Variants in CISD2 observed in about 807,000 individuals in gnomAD.
CISD2 encodes the protein CDGSH iron sulfur domain 2, also known as CDGSH iron-sulfur domain-containing protein 2.
CISD2 carries 1 observed loss-of-function variant against 12.9 expected under a neutral mutation model. That is an observed-to-expected ratio of 0.08 (90% CI 0.03 to 0.37). The LOEUF (loss-of-function observed/expected upper bound fraction) is 0.37, where lower values mean the gene tolerates loss of function less well. Among genes scored for constraint, CISD2 ranks in the 10% least tolerant of loss-of-function variants. CISD2 has a pLI of 0.99. For synonymous variants in CISD2, 50 were observed against 60.6 expected (o/e 0.83, Z 0.81); for missense variants, 97 against 163.1 (o/e 0.59, Z 2.21).
chr4:102,883,832 A>C (rs1050756926), intron 1 of CISD2, among the ~76,000 whole-genome samples: 3 of 152,232 alleles, frequency 2.0e-5, no homozygotes, highest in African/African-American at 7.2e-5. Context: ...TATTTGGCAA[A>C]ATATTTTTTT....
chr4:102,880,341 T>C (rs1020446298), intron 1 of CISD2, among the ~76,000 whole-genome samples: 9 of 152,188 alleles, frequency 5.9e-5, no homozygotes, highest in African/African-American at 2.2e-4. Flanking sequence ...GGGGAAATAA[T>C]ATAATAATCT....
At chr4:102,870,771 A>AT (rs1259905000) in intron 1 of CISD2, among the ~76,000 whole-genome samples, 2 of 152,228 alleles carry the variant, frequency 1.3e-5, no homozygotes, top group African/African-American at 2.4e-5. Context: ...AGTACTTTAC[A>AT]TATTTTAATA....
In CISD2 at chr4:102,888,202, A is replaced by AAAT. The variant is rs1392972614; in HGVS notation, c.*774_*776dup. ...AAACATAAGACATTAATTCATATTAAAATAGTTCAGTGTTCAAAATTGTGT... is the reference window on the plus strand; with the variant it reads ...AAACATAAGACATTAATTCATATTAAAATAATAGTTCAGTGTTCAAAATTGTGT... On this transcript the variant is annotated 3_prime_UTR_variant, in exon 3 of 3. Coordinates refer to ENST00000273986, the MANE Select transcript of CISD2 (RefSeq NM_001008388.5). 1.3e-5 allele frequency: 2 copies of AAAT among 152,216 alleles called. No homozygotes were observed. Among genetic ancestry groups the AAAT allele is most frequent in the Non-Finnish European group, 2.9e-5 (2 of 68,048 alleles). The allele number at this position is 152,216 out of a possible 1,614,324, so 9.4% of individuals were successfully genotyped here. A position where few individuals can be genotyped will look rare whatever the true frequency, so the allele number is the denominator to read the frequency against.
At chr4:102,885,002 G>A in intron 1 of CISD2, 1 of 523,366 alleles carries the variant, frequency 1.9e-6, no homozygotes, top group Non-Finnish European at 3.4e-6. Context: ...TGAAAAGTTA[G>A]GTTTCTAGTT....
chr4:102,870,852 A>AC (rs1733426550), intron 1 of CISD2, among the ~76,000 whole-genome samples: 1 of 152,220 alleles, frequency 6.6e-6, no homozygotes, highest in Admixed American at 6.5e-5. Flanking sequence ...CTAACCATTC[A>AC]TTCCCTTACA....
At position 102,885,351 on chromosome 4, in the gene CISD2, C is replaced by T. The variant is rs868634687; in HGVS notation, c.239C>T (p.Pro80Leu). The change falls in exon 2 of 3, where the codon CCG becomes CTG. Residue 80 changes from proline (P) to leucine (L), a missense_variant. Around this residue, in one of 2 missense-constraint regions of CISD2, gnomAD observed 89 missense variants for 114.4 expected, o/e 0.78. Transcript: ENST00000273986. ...LINLKIQKENPKVVNEINIED... is the reference protein window; with the variant it reads ...LINLKIQKENLKVVNEINIED... Reference sequence around the variant, plus strand: ...AATCTTAAAATACAAAAGGAAAATCCGAAAGTAGTGAATGAAATAAACATT... The same window carrying T: ...AATCTTAAAATACAAAAGGAAAATCTGAAAGTAGTGAATGAAATAAACATT... 40 of 1,613,688 alleles carry T rather than the reference C, an allele frequency of 2.5e-5. No homozygotes were observed. Among genetic ancestry groups the T allele is most frequent in the Non-Finnish European group, 3.2e-5 (38 of 1,179,862 alleles).
rs1733333460 is a variant in CISD2, at chr4:102,869,018, G to A, written c.-67G>A. The A allele has an allele frequency of 2.0e-6, 3 of 1,483,120 alleles. No individual in the cohort carries two copies. The highest frequency in any genetic ancestry group is 2.2e-5 in the Admixed American group (1 of 45,090). 91.9% of individuals were successfully genotyped at this position (1,483,120 alleles called of 1,614,324 possible). ...GTGCCCGCCGGCCGCTTCCGCTCCCGGCGCAGGCGCGGCAGCTTGGCCAGA... is the reference window on the plus strand; with the variant it reads ...GTGCCCGCCGGCCGCTTCCGCTCCCAGCGCAGGCGCGGCAGCTTGGCCAGA... On this transcript the variant is annotated 5_prime_UTR_variant, in exon 1 of 3. Coordinates refer to ENST00000273986, the MANE Select transcript of CISD2 (RefSeq NM_001008388.5).
At chr4:102,873,448 A>G (rs998649940) in intron 1 of CISD2, among the ~76,000 whole-genome samples, 3 of 151,470 alleles carry the variant, frequency 2.0e-5, no homozygotes, top group Admixed American at 2.0e-4. Flanking sequence ...ATTTTTTTGT[A>G]TCTTATTTTA....
chr4:102,869,011 C>G lies in CISD2; in HGVS notation c.-74C>G. The G allele has an allele frequency of 6.8e-7, 1 of 1,470,284 alleles. No homozygotes were observed. Among genetic ancestry groups the G allele is most frequent in the Non-Finnish European group, 9.0e-7 (1 of 1,108,422 alleles). The allele number at this position is 1,470,284 out of a possible 1,614,324, so 91.1% of individuals were successfully genotyped here. On this transcript the variant is annotated 5_prime_UTR_variant, in exon 1 of 3. Coordinates refer to ENST00000273986, the MANE Select transcript of CISD2 (RefSeq NM_001008388.5). ...GCCGCCAGTGCCCGCCGGCCGCTTCCGCTCCCGGCGCAGGCGCGGCAGCTT... is the reference window on the plus strand; with the variant it reads ...GCCGCCAGTGCCCGCCGGCCGCTTCGGCTCCCGGCGCAGGCGCGGCAGCTT...
intron 1 of CISD2, among the ~76,000 whole-genome samples, chr4:102,878,001 T>G (rs1383220969): frequency 6.6e-6 from 1 of 152,234 alleles, no homozygotes; most frequent in Non-Finnish European, 1.5e-5. Context: ...GGGCCTGCTG[T>G]GAAGACCTCT....
chr4:102,874,174 C>G (rs1473393277), intron 1 of CISD2, among the ~76,000 whole-genome samples: 2 of 151,524 alleles, frequency 1.3e-5, no homozygotes, highest in Non-Finnish European at 2.9e-5. Flanking sequence ...AAAATCTTAT[C>G]CTTTGCAGCA....
chr4:102,885,035 A>C, intron 1 of CISD2, 181 bp from the exon 2 acceptor site: 1 of 582,624 alleles, frequency 1.7e-6, no homozygotes. Context: ...AATTATAAAT[A>C]AAGTAAGGTG....
chr4:102,877,512 C>T lies in CISD2; in HGVS notation c.104-7704C>T, dbSNP rs532693919. Among the ~76,000 whole-genome samples the T allele has an allele frequency of 2.1e-4, 32 of 152,344 alleles. 1 individual carries two copies. Among genetic ancestry groups the T allele is most frequent in the South Asian group, 1.4e-3 (7 of 4,828 alleles). On this transcript the variant is annotated intron_variant, in intron 1 of 2. Coordinates refer to ENST00000273986, the MANE Select transcript of CISD2 (RefSeq NM_001008388.5). Reference sequence around the variant, plus strand: ...TTCAAGGGCTGGCATCGAGTGCCTGCGGCTTTTCCAGATGCATGGTGCAAG... The same window carrying T: ...TTCAAGGGCTGGCATCGAGTGCCTGTGGCTTTTCCAGATGCATGGTGCAAG...
intron 2 of CISD2, among the ~76,000 whole-genome samples, chr4:102,886,210 C>G (rs570802227): frequency 2.6e-5 from 4 of 152,192 alleles, no homozygotes; most frequent in Admixed American, 1.3e-4. Context: ...ACACGCAGGC[C>G]AGGCGCGGTG....
At chr4:102,878,600 G>T (rs891867881) in intron 1 of CISD2, among the ~76,000 whole-genome samples, 12 of 152,224 alleles carry the variant, frequency 7.9e-5, no homozygotes, top group African/African-American at 2.9e-4. Flanking sequence ...TAGCAAGAGT[G>T]ACCTTTGCTC....
chr4:102,889,699 G>A lies in CISD2; in HGVS notation c.*2269G>A, dbSNP rs532951253. The A allele has an allele frequency of 6.6e-6, 1 of 152,146 alleles. No homozygotes were observed. Among genetic ancestry groups the A allele is most frequent in the Non-Finnish European group, 1.5e-5 (1 of 68,014 alleles). 9.4% of individuals were successfully genotyped at this position (152,146 alleles called of 1,614,324 possible). ...GCTATGCCCATATCTTTTCCCACCTGTGCACATTTTTCAGAAGCGTAGGGT... is the reference window on the plus strand; with the variant it reads ...GCTATGCCCATATCTTTTCCCACCTATGCACATTTTTCAGAAGCGTAGGGT... On this transcript the variant is annotated 3_prime_UTR_variant, in exon 3 of 3. Coordinates refer to ENST00000273986, the MANE Select transcript of CISD2 (RefSeq NM_001008388.5).
rs189237953 is a variant in CISD2 at position 102,886,226 on chromosome 4, C to T, written c.318+796C>T. Among the ~76,000 whole-genome samples, 827 of 152,276 alleles carry T rather than the reference C, an allele frequency of 5.4e-3. 4 individuals carry two copies. The highest frequency in any genetic ancestry group is 0.014 in the African/African-American group (580 of 41,566). On this transcript the variant is annotated intron_variant, in intron 2 of 2. Transcript: ENST00000273986. ...CACGCAGGCCAGGCGCGGTGGCTCA[C>T]GCCTGTAATCCCAGCACTTTGGGAG... is the stretch of plus-strand genomic sequence containing the variant.
In CISD2 at chr4:102,890,217, T is replaced by C. The variant is rs1023785427; in HGVS notation, c.*2787T>C. 1 of 152,206 alleles carries C rather than the reference T, an allele frequency of 6.6e-6. No individual in the cohort carries two copies. The highest frequency in any genetic ancestry group is 2.4e-5 in the African/African-American group (1 of 41,444). The allele number at this position is 152,206 out of a possible 1,614,324, so 9.4% of individuals were successfully genotyped here. ...ATGCCAAATACGATGATTCATTAAG[T>C]TGACTTTGTATTTTGTAACCTAATT... On this transcript the variant is annotated 3_prime_UTR_variant, in exon 3 of 3. Coordinates refer to ENST00000273986, the MANE Select transcript of CISD2 (RefSeq NM_001008388.5).
intron 1 of CISD2, among the ~76,000 whole-genome samples, chr4:102,870,944 A>G (rs557525720): frequency 6.6e-6 from 1 of 152,292 alleles, no homozygotes; most frequent in African/African-American, 2.4e-5. Flanking sequence ...CAGTTGTCAT[A>G]TTTCTCCCTT....
Sources: gnomAD v4.1 joint callset for allele counts (sites outside exome capture counted in the v4.1 genomes callset) on GRCh38, gnomAD v4.1.1 for gene constraint, gnomAD v4.1.1 regional missense constraint, MANE v1.5 for transcripts, NCBI Gene and HGNC (gene_info 2026-07-23, HGNC 2026-07-21) for gene names.